Variants in EYA1 observed in about 807,000 individuals in gnomAD.
EYA1 encodes the protein protein phosphatase EYA1.
EYA1 carries 16 observed loss-of-function variants against 82.0 expected under a neutral mutation model. The observed-to-expected ratio is 0.20, with a 90% CI of 0.13 to 0.30. EYA1 has a LOEUF of 0.30. Among genes scored for constraint, EYA1 ranks in the 10% least tolerant of loss-of-function variants. EYA1 has a pLI of 1.00. For missense variants in EYA1, 633 were observed against 730.7 expected, an observed-to-expected ratio of 0.87 and a Z score of 1.54; for synonymous variants, 261 against 264.4, an observed-to-expected ratio of 0.99 and a Z score of 0.12.
intron 12 of EYA1, among the ~76,000 whole-genome samples, chr8:71,217,336 A>C (rs1452538181): frequency 6.6e-6 from 1 of 152,262 alleles, no homozygotes; most frequent in African/African-American, 2.4e-5. Context: ...TTAAGCCATC[A>C]TGCTGCTCAG....
chr8:71,249,069 C>T (rs1261409355), intron 11 of EYA1, among the ~76,000 whole-genome samples: 1 of 152,160 alleles, frequency 6.6e-6, no homozygotes, highest in Admixed American at 6.5e-5. Context: ...TAGAGCTTTG[C>T]CTCCACTTCA....
intron 3 of EYA1, among the ~76,000 whole-genome samples, chr8:71,335,731 T>A (rs1824407592): frequency 6.6e-6 from 1 of 152,156 alleles, no homozygotes. Context: ...AAGGCAGTAT[T>A]TCATTGCTAG....
At chr8:71,345,411 T>C (rs1194775630) in intron 3 of EYA1, among the ~76,000 whole-genome samples, 1 of 152,206 alleles carries the variant, frequency 6.6e-6, no homozygotes, top group Non-Finnish European at 1.5e-5. Context: ...AGCAGAGGCA[T>C]AGAGCAGTTA....
At chr8:71,232,762 C>T (rs1178827927) in intron 12 of EYA1, among the ~76,000 whole-genome samples, 1 of 151,656 alleles carries the variant, frequency 6.6e-6, no homozygotes, top group East Asian at 1.9e-4. Flanking sequence ...CTTATTTTCT[C>T]ATGCCCTTCA....
At chr8:71,403,092 T>C (rs564146167) in intron 2 of EYA1, among the ~76,000 whole-genome samples, 3 of 152,320 alleles carry the variant, frequency 2.0e-5, no homozygotes, top group African/African-American at 7.2e-5. Context: ...ATTGACTATA[T>C]AGATATTTTA....
chr8:71,406,319 G>A (rs1830217224), intron 2 of EYA1, among the ~76,000 whole-genome samples: 1 of 152,204 alleles, frequency 6.6e-6, no homozygotes, highest in South Asian at 2.1e-4. Context: ...TTACAGAAAT[G>A]AGAATTAAGT....
At chr8:71,288,790 A>G (rs1818679280) in intron 9 of EYA1, among the ~76,000 whole-genome samples, 1 of 152,252 alleles carries the variant, frequency 6.6e-6, no homozygotes, top group African/African-American at 2.4e-5. Flanking sequence ...AATATAATGC[A>G]AAATAGCAGA....
chr8:71,418,925 G>A (rs925205060), intron 2 of EYA1, among the ~76,000 whole-genome samples: 2 of 152,148 alleles, frequency 1.3e-5, no homozygotes, highest in Admixed American at 1.3e-4. Context: ...AGAGATATCT[G>A]GGGGAGAGCA....
At chr8:71,233,133 A>G (rs1811395013) in intron 12 of EYA1, among the ~76,000 whole-genome samples, 1 of 152,222 alleles carries the variant, frequency 6.6e-6, no homozygotes, top group Admixed American at 6.5e-5. Flanking sequence ...GAGAGCCATG[A>G]TTACATTCAG....
At chr8:71,246,014 T>C (rs1324010029) in intron 11 of EYA1, among the ~76,000 whole-genome samples, 2 of 152,192 alleles carry the variant, frequency 1.3e-5, no homozygotes, top group South Asian at 2.1e-4. Context: ...TATGCAGGTA[T>C]TTGCAGTTTT....
chr8:71,421,846 G>T (rs1165739304), intron 2 of EYA1, among the ~76,000 whole-genome samples: 1 of 152,184 alleles, frequency 6.6e-6, no homozygotes, highest in African/African-American at 2.4e-5. Context: ...CCTGCAAAAT[G>T]AACAATGTAG....
At chr8:71,268,592 A>G (rs1439416395) in intron 11 of EYA1, among the ~76,000 whole-genome samples, 1 of 152,206 alleles carries the variant, frequency 6.6e-6, no homozygotes, top group Non-Finnish European at 1.5e-5. Flanking sequence ...GTCTTCTTAT[A>G]GAGAATTTGC....
intron 9 of EYA1, among the ~76,000 whole-genome samples, chr8:71,276,176 G>A (rs1401177784): frequency 5.9e-5 from 9 of 152,198 alleles, no homozygotes; most frequent in African/African-American, 1.9e-4. Flanking sequence ...TAGTAACATG[G>A]TCGATTACAT....
chr8:71,260,796 T>C (rs1815006273), intron 11 of EYA1, among the ~76,000 whole-genome samples: 1 of 152,178 alleles, frequency 6.6e-6, no homozygotes, highest in Non-Finnish European at 1.5e-5. Context: ...TGTGAGCAGG[T>C]TTATGAGATT....
At chr8:71,547,033 C>T (rs1815676265) in intron 1 of EYA1, among the ~76,000 whole-genome samples, 1 of 150,918 alleles carries the variant, frequency 6.6e-6, no homozygotes, top group Admixed American at 6.6e-5. Flanking sequence ...CCCCAACCCT[C>T]ATAAAAGCAG....
At chr8:71,400,819 A>AGG (rs1436644213) in intron 2 of EYA1, among the ~76,000 whole-genome samples, 1 of 152,212 alleles carries the variant, frequency 6.6e-6, no homozygotes, top group East Asian at 1.9e-4. Flanking sequence ...TCATTCTATT[A>AGG]TTAAGACATA....
At chr8:71,213,300 C>T (rs190509501) in intron 16 of EYA1, among the ~76,000 whole-genome samples, 33 of 152,280 alleles carry the variant, frequency 2.2e-4, no homozygotes, top group Admixed American at 9.8e-4. Flanking sequence ...CTATGTAATA[C>T]ACTACTCCTG....
intron 12 of EYA1, among the ~76,000 whole-genome samples, chr8:71,241,552 G>T (rs776537092): frequency 6.6e-6 from 1 of 152,250 alleles, no homozygotes; most frequent in East Asian, 1.9e-4. Context: ...CAAAAGCTAA[G>T]ATTTAGAAGA....
At chr8:71,407,847 G>A (rs901889235) in intron 2 of EYA1, among the ~76,000 whole-genome samples, 30 of 149,284 alleles carry the variant, frequency 2.0e-4, no homozygotes, top group Middle Eastern at 3.4e-3. Flanking sequence ...GCAGGCCAAC[G>A]TTCAGATTCA....
Sources: allele counts gnomAD v4.1 joint callset (sites outside exome capture counted in the v4.1 genomes callset), GRCh38; gene constraint gnomAD v4.1.1; transcripts MANE v1.5; gene names NCBI Gene and HGNC (gene_info 2026-07-23, HGNC 2026-07-21).